DNAH2: variants seen among roughly 807,000 people sequenced by gnomAD.
DNAH2 encodes the protein dynein axonemal heavy chain 2.
A neutral mutation model predicts 523.5 loss-of-function variants in DNAH2; 323 were observed. The observed-to-expected ratio is 0.62, with a 90% CI of 0.56 to 0.68. The LOEUF (loss-of-function observed/expected upper bound fraction) is 0.68. Ranked by LOEUF, DNAH2 falls within the 30% of genes least tolerant of loss-of-function variation. The pLI is 0.00. For missense variants in DNAH2, 4,907 were observed against 5,701.5 expected, an observed-to-expected ratio of 0.86 and a Z score of 4.49; for synonymous variants, 2,093 against 2,177.4, an observed-to-expected ratio of 0.96 and a Z score of 1.08.
chr17:7,805,499 CT>C, intron 61 of DNAH2, 106 bp downstream of exon 61: 6 of 1,519,178 alleles, frequency 3.9e-6, no homozygotes, highest in Non-Finnish European at 5.4e-6. Flanking sequence ...AGGCATTGTT[CT>C]TACCCTCAAG....
chr17:7,732,709 C>G (rs2075025247), intron 4 of DNAH2, among the ~76,000 whole-genome samples: 1 of 152,160 alleles, frequency 6.6e-6, no homozygotes, highest in Non-Finnish European at 1.5e-5. Context: ...TCTCTTCCTT[C>G]CAGTCCTTCT....
chr17:7,822,860 G>C lies in DNAH2; in HGVS notation c.11143-582G>C, dbSNP rs549209285. 9.2e-5 allele frequency among the ~76,000 whole-genome samples: 14 copies of C among 152,308 alleles called. 1 individual carries two copies. Among genetic ancestry groups the C allele is most frequent in the African/African-American group, 3.4e-4 (14 of 41,558 alleles). On this transcript the variant is annotated intron_variant, in intron 73 of 85. Coordinates refer to ENST00000572933, the MANE Select transcript of DNAH2 (RefSeq NM_020877.5). Reference sequence around the variant, plus strand: ...GGTGAGGCTACCAACCAGTCATTAGGTTGGAGACATTATTACCAGGCAACC... The same window carrying C: ...GGTGAGGCTACCAACCAGTCATTAGCTTGGAGACATTATTACCAGGCAACC...
In DNAH2 at chr17:7,818,906, G is replaced by A. The variant is rs1353984914; in HGVS notation, c.10671-13G>A. The A allele has an allele frequency of 7.5e-6, 12 of 1,609,770 alleles. No homozygotes were observed. The highest frequency in any genetic ancestry group is 2.7e-5 in the African/African-American group (2 of 74,798). On this transcript the variant is annotated splice_polypyrimidine_tract_variant and intron_variant, in intron 70 of 85. Transcript: ENST00000572933. Reference sequence around the variant, plus strand: ...TAACCCCTTGCTCCATGTGCCTCTGGGCCTCCCCCTAGGCTGCTGAATGAG... The same window carrying A: ...TAACCCCTTGCTCCATGTGCCTCTGAGCCTCCCCCTAGGCTGCTGAATGAG...
chr17:7,763,534 C>T (rs2076065962), intron 18 of DNAH2, among the ~76,000 whole-genome samples: 1 of 152,232 alleles, frequency 6.6e-6, no homozygotes, highest in African/African-American at 2.4e-5. Flanking sequence ...CTGCCTCGGC[C>T]TCCCAAAGTG....
At chr17:7,796,045 A>ATTT (rs377411281) in intron 49 of DNAH2, among the ~76,000 whole-genome samples, 10 of 107,672 alleles carry the variant, frequency 9.3e-5, no homozygotes, top group African/African-American at 2.8e-4. Context: ...TGAGTTTAGG[A>ATTT]TTTTTTTTTT....
chr17:7,802,422 G>A (rs929055242), intron 58 of DNAH2, among the ~76,000 whole-genome samples: 3 of 152,094 alleles, frequency 2.0e-5, no homozygotes, highest in African/African-American at 7.2e-5. Flanking sequence ...GCATCCGTGG[G>A]GGATTGGTTC....
rs771958070 is a variant in DNAH2, at chr17:7,770,420, C to A, written c.4098+12C>A. 6.2e-7 allele frequency: 1 copy of A among 1,611,012 alleles called. No individual in the cohort carries two copies. The highest frequency in any genetic ancestry group is 8.5e-7 in the Non-Finnish European group (1 of 1,178,474). On this transcript the variant is annotated intron_variant, in intron 25 of 85. Transcript: ENST00000572933. ...TGGCTATAGAAGTGGTACGACAGTCCCCTCCCATGCTCCCACACCTCCTGC... is the reference window on the plus strand; with the variant it reads ...TGGCTATAGAAGTGGTACGACAGTCACCTCCCATGCTCCCACACCTCCTGC...
chr17:7,786,393 A>C lies in DNAH2; in HGVS notation c.6348+51A>C. On this transcript the variant is annotated intron_variant, in intron 40 of 85. Coordinates refer to ENST00000572933, the MANE Select transcript of DNAH2 (RefSeq NM_020877.5). The surrounding 1 kb of genome is among the most constrained non-coding windows in gnomAD (Gnocchi z 7.5). Reference sequence around the variant, plus strand: ...GTGGGCAGAGACTTGAGTAGTAAGAAGACAATGGAGGGTGGGGGCCAGGGA... The same window carrying C: ...GTGGGCAGAGACTTGAGTAGTAAGACGACAATGGAGGGTGGGGGCCAGGGA... 1 of 1,580,800 alleles carries C rather than the reference A, an allele frequency of 6.3e-7. No individual in the cohort carries two copies. Among genetic ancestry groups the C allele is most frequent in the East Asian group, 2.3e-5 (1 of 44,418 alleles).
intron 12 of DNAH2, among the ~76,000 whole-genome samples, chr17:7,756,514 G>A (rs62062620): frequency 0.47 from 71,702 of 151,546 alleles, 17,321 homozygotes; most frequent in African/African-American, 0.51. Flanking sequence ...GAGCTCAAGC[G>A]ATCACCTACC....
intron 8 of DNAH2, chr17:7,739,096 C>A: frequency 2.9e-6 from 2 of 678,020 alleles, no homozygotes; most frequent in South Asian, 1.5e-5. Context: ...CCAGGGCAAA[C>A]GGGGCAGAGG....
In DNAH2 at chr17:7,801,639, T is replaced by C. The variant is rs2077224880; in HGVS notation, c.8761T>C (p.Trp2921Arg). The change falls in exon 57 of 86, where the codon TGG becomes CGG. Residue 2921 changes from tryptophan to arginine, a missense_variant. Physicochemically the swap from Trp to Arg is moderately radical, Grantham distance 101. Transcript: ENST00000572933. ...CACAACCATCAACTGGTTCTCAGAG[T>C]GGCCCCAAGAGGCCCTGCTCGAGGT... ...NCTTINWFSEWPQEALLEVAE... is the reference protein window; with the variant it reads ...NCTTINWFSERPQEALLEVAE... 6.2e-7 allele frequency: 1 copy of C among 1,614,090 alleles called. No homozygotes were observed. Among genetic ancestry groups the C allele is most frequent in the Non-Finnish European group, 8.5e-7 (1 of 1,179,996 alleles).
chr17:7,821,367 G>A lies in DNAH2; in HGVS notation c.11140G>A (p.Val3714Met), dbSNP rs1402571866. Residue 3714 changes from valine (V) to methionine (M), a missense_variant and splice_region_variant, in exon 73 of 86, where the codon GTG (valine) becomes ATG (methionine). This residue lies in a region of DNAH2 where 1,851 missense variants were observed against 2,139.4 expected (regional missense o/e 0.87). Transcript: ENST00000572933. This position sits in a 1 kb window ranked among gnomAD's most constrained non-coding sequence, Gnocchi z 5.0. Reference sequence around the variant, plus strand: ...ATACAACTTCTTTCTACGTGGGGGTGTGGTGAGTTGGGCAGAGAGCACATC... The same window carrying A: ...ATACAACTTCTTTCTACGTGGGGGTATGGTGAGTTGGGCAGAGAGCACATC... Reference protein sequence around the residue: ...DEYNFFLRGGVVLDREGQMDN... With the variant: ...DEYNFFLRGGMVLDREGQMDN... The A allele has an allele frequency of 6.2e-7, 1 of 1,612,644 alleles. No individual in the cohort carries two copies. Among genetic ancestry groups the A allele is most frequent in the Non-Finnish European group, 8.5e-7 (1 of 1,179,152 alleles).
chr17:7,739,482 G>A (rs555946001), intron 8 of DNAH2, among the ~76,000 whole-genome samples: 5 of 152,282 alleles, frequency 3.3e-5, no homozygotes, highest in South Asian at 2.1e-4. Context: ...CTACCACACC[G>A]CTTTTTCTGG....
In DNAH2 at chr17:7,793,110, A is replaced by G. The variant is rs1414576372; in HGVS notation, c.7474A>G (p.Met2492Val). ...MDDLNMPAKD[M>V]FGSQPPLELI... The stretch of plus-strand genomic sequence containing the variant: ...TGACCTAAATATGCCCGCTAAGGAC[A>G]TGTTTGGGTCCCAGCCACCCCTGGA... The change falls in exon 48 of 86, where the codon ATG becomes GTG. Residue 2492 changes from methionine (M) to valine (V), a missense_variant. Around this residue, in one of 3 missense-constraint regions of DNAH2, gnomAD observed 250 missense variants for 371.3 expected, o/e 0.67. Coordinates refer to ENST00000572933, the MANE Select transcript of DNAH2 (RefSeq NM_020877.5). 6.2e-7 allele frequency: 1 copy of G among 1,614,062 alleles called. No individual in the cohort carries two copies. Among genetic ancestry groups the G allele is most frequent in the Non-Finnish European group, 8.5e-7 (1 of 1,180,046 alleles).
chr17:7,725,959 G>A (rs1432636992), intron 3 of DNAH2, among the ~76,000 whole-genome samples: 2 of 152,046 alleles, frequency 1.3e-5, no homozygotes, highest in African/African-American at 4.8e-5. Context: ...GACTTCGCAA[G>A]TTCACTGATC....
chr17:7,817,504 G>A (rs1032081999), intron 65 of DNAH2, 57 bp from the exon 66 acceptor site: 40 of 1,613,494 alleles, frequency 2.5e-5, no homozygotes, highest in African/African-American at 9.4e-5. Context: ...CCGTGAAGGC[G>A]CGGGGGCTGC....
At position 7,831,470 on chromosome 17, in the gene DNAH2, C is replaced by T. The variant is rs768608586; in HGVS notation, c.12540C>T (p.Leu4180=). 5.6e-6 allele frequency: 9 copies of T among 1,614,054 alleles called. No individual in the cohort carries two copies. The highest frequency in any genetic ancestry group is 1.1e-5 in the South Asian group (1 of 91,084). Reference sequence around the variant, plus strand: ...AGGGGACTCAAAAACTGCTAGCTCTCGACCCCTCCCCCCTCAATGTGGTCC... The same window carrying T: ...AGGGGACTCAAAAACTGCTAGCTCTTGACCCCTCCCCCCTCAATGTGGTCC... ...DYEGTQKLLA[L]DPSPLNVVLL... is the part of the protein sequence containing the mutation. The change falls in exon 81 of 86, where the codon CTC becomes CTT. Residue 4180 remains leucine (L), a synonymous_variant. Transcript: ENST00000572933. The surrounding 1 kb of genome is among the most constrained non-coding windows in gnomAD (Gnocchi z 4.2).
chr17:7,766,699 G>T (rs1386129412), intron 22 of DNAH2, among the ~76,000 whole-genome samples: 1 of 139,960 alleles, frequency 7.1e-6, no homozygotes, highest in Admixed American at 7.8e-5. Context: ...CCAGGCTGGA[G>T]TGCAGTGGCA....
chr17:7,807,341 C>T lies in DNAH2; in HGVS notation c.9612+22C>T, dbSNP rs770503488. 1.1e-4 allele frequency: 165 copies of T among 1,559,172 alleles called. No individual in the cohort carries two copies. The highest frequency in any genetic ancestry group is 1.3e-4 in the Non-Finnish European group (148 of 1,149,070). ...GGAGGTAAAGGCGTCAGGGCTGGGG[C>T]GGGGCGGTAGGGAGGGCAGGCCTGG... On this transcript the variant is annotated intron_variant, in intron 62 of 85. Transcript: ENST00000572933. This position sits in a 1 kb window ranked among gnomAD's most constrained non-coding sequence, Gnocchi z 5.6.
Sources: gnomAD v4.1 joint callset for allele counts (sites outside exome capture counted in the v4.1 genomes callset) on GRCh38, gnomAD v4.1.1 for gene constraint, gnomAD v4.1.1 regional missense constraint, Gnocchi (gnomAD v3.1) non-coding constraint, MANE v1.5 for transcripts, NCBI Gene and HGNC (gene_info 2026-07-23, HGNC 2026-07-21) for gene names.